The following DNAH9 variants were observed in gnomAD, a reference collection of about 807,000 sequenced individuals.
The protein encoded by DNAH9 is dynein axonemal heavy chain 9, also known as DNAH9 variant protein.
A neutral mutation model predicts 471.6 loss-of-function variants in DNAH9; 345 were observed. That is an observed-to-expected ratio of 0.73 (90% confidence interval 0.67 to 0.80). DNAH9 has a LOEUF of 0.80. Ranked by LOEUF, DNAH9 falls within the 30% of genes least tolerant of loss-of-function variation. The pLI is 0.00. For synonymous variants in DNAH9, 2,093 were observed against 2,123.6 expected, an observed-to-expected ratio of 0.99 and a Z score of 0.40; for missense variants, 5,407 against 5,609.2, an observed-to-expected ratio of 0.96 and a Z score of 1.15.
chr17:11,661,166 A>G (rs9899022), intron 14 of DNAH9, among the ~76,000 whole-genome samples: 3,048 of 152,174 alleles, frequency 0.02, 79 homozygotes, highest in South Asian at 0.1. Flanking sequence ...TATCATTATG[A>G]AATTCCCTTT....
At chr17:11,792,940 C>T (rs1176964050) in intron 41 of DNAH9, among the ~76,000 whole-genome samples, 1 of 152,120 alleles carries the variant, frequency 6.6e-6, no homozygotes, top group Admixed American at 6.5e-5. Flanking sequence ...TTCATGGGAT[C>T]ATCATGAGTA....
intron 19 of DNAH9, among the ~76,000 whole-genome samples, chr17:11,682,282 G>T (rs2074146585): frequency 6.6e-6 from 1 of 150,744 alleles, no homozygotes; most frequent in Admixed American, 6.6e-5. Flanking sequence ...GTAGCGTCTT[G>T]CTCTGTCACC....
intron 1 of DNAH9, among the ~76,000 whole-genome samples, chr17:11,601,150 T>A (rs1033920693): frequency 2.0e-5 from 3 of 152,246 alleles, no homozygotes; most frequent in Non-Finnish European, 4.4e-5. Flanking sequence ...TTTCTTTTTT[T>A]AACAATATTC....
intron 67 of DNAH9, 90 bp from the exon 68 acceptor site, chr17:11,961,777 G>C: frequency 7.0e-7 from 1 of 1,433,434 alleles, no homozygotes; most frequent in Non-Finnish European, 9.4e-7. Context: ...TTGTCTGCCT[G>C]GGTGCCATGA....
intron 61 of DNAH9, among the ~76,000 whole-genome samples, chr17:11,915,011 A>G (rs1411976480): frequency 2.6e-5 from 4 of 152,160 alleles, no homozygotes; most frequent in East Asian, 1.9e-4. Context: ...ATTTAGTTCT[A>G]TTGATTCCAC....
rs562966086 is a variant in DNAH9, at chr17:11,835,986, G to C, written c.9507+1088G>C. Among the ~76,000 whole-genome samples the C allele has an allele frequency of 3.9e-5, 6 of 152,282 alleles. No homozygotes were observed. In the South Asian group the frequency reaches 1.2e-3, roughly 32 times the overall value. On this transcript the variant is annotated intron_variant, in intron 49 of 68. Transcript: ENST00000262442. Reference sequence around the variant, plus strand: ...CTCTAGATTTCTGGGATGTAAGTTAGACCCCAGTCCACCGTGCCAGTCAAA... The same window carrying C: ...CTCTAGATTTCTGGGATGTAAGTTACACCCCAGTCCACCGTGCCAGTCAAA...
chr17:11,715,162 T>C (rs2074937494), intron 26 of DNAH9, among the ~76,000 whole-genome samples: 2 of 152,220 alleles, frequency 1.3e-5, no homozygotes, highest in African/African-American at 4.8e-5. Flanking sequence ...GAAATCAAGA[T>C]ATAGCAGCTT....
At position 11,881,131 on chromosome 17, in the gene DNAH9, G is replaced by A. The variant is rs1019881381; in HGVS notation, c.10602-78G>A. The A allele has an allele frequency of 8.0e-6, 11 of 1,371,612 alleles. No homozygotes were observed. In the African/African-American group the frequency reaches 1.6e-4, roughly 20 times the overall value. The allele number at this position is 1,371,612 out of a possible 1,614,324, so 85.0% of individuals were successfully genotyped here. On this transcript the variant is annotated intron_variant, in intron 54 of 68. Transcript: ENST00000262442. ...CCATCTGAATATAGCAATATTGTTT[G>A]AAAAAAATCTCAAATTCTGACCCCA...
intron 26 of DNAH9, among the ~76,000 whole-genome samples, chr17:11,717,730 A>G (rs2074989359): frequency 1.3e-5 from 2 of 152,140 alleles, no homozygotes. Context: ...GAGTTGTGTA[A>G]CCATCACTAT....
Position 11,932,184 on chromosome 17 carries a change from C to T in DNAH9, c.12276C>T (p.Asn4092=), listed in dbSNP as rs906539317. ...CTATCTCTGTGAATGTCCTCTACAA[C>T]TTCCTGGAGGCCAACGCAAAGGTAA... The part of the protein sequence containing the change: ...DLTISVNVLY[N]FLEANAKVPY... The change falls in exon 64 of 69, where the codon AAC becomes AAT. Residue 4092 remains asparagine, a synonymous_variant. Transcript: ENST00000262442. This position sits in a 1 kb window ranked among gnomAD's most constrained non-coding sequence, Gnocchi z 4.3. 1.2e-6 allele frequency: 2 copies of T among 1,614,048 alleles called. No individual in the cohort carries two copies. The highest frequency in any genetic ancestry group is 1.7e-6 in the Non-Finnish European group (2 of 1,179,996).
At chr17:11,966,673 A>G (rs1356122660) in intron 68 of DNAH9, among the ~76,000 whole-genome samples, 1 of 152,246 alleles carries the variant, frequency 6.6e-6, no homozygotes, top group Non-Finnish European at 1.5e-5. Flanking sequence ...ATGGATAGAA[A>G]TGTATAAAGA....
chr17:11,932,008 T>C lies in DNAH9; in HGVS notation c.12106-6T>C, dbSNP rs375711583. On this transcript the variant is annotated splice_region_variant and splice_polypyrimidine_tract_variant and intron_variant, in intron 63 of 68. Transcript: ENST00000262442. This position sits in a 1 kb window ranked among gnomAD's most constrained non-coding sequence, Gnocchi z 4.3. ...GCGAACCTTAAAAGCGACACTCTCATTTCAGGACACTCTGGAGATGTGTTC... is the reference window on the plus strand; with the variant it reads ...GCGAACCTTAAAAGCGACACTCTCACTTCAGGACACTCTGGAGATGTGTTC... 2 of 1,613,846 alleles carry C rather than the reference T, an allele frequency of 1.2e-6. No individual in the cohort carries two copies.
chr17:11,719,310 C>T (rs760435629), intron 26 of DNAH9, 24 bp from the exon 27 acceptor site: 6 of 1,611,420 alleles, frequency 3.7e-6, no homozygotes, highest in South Asian at 1.1e-5. Context: ...AGAATGATGA[C>T]CTATGCCCTC....
Position 11,701,208 on chromosome 17 carries a change from A to C in DNAH9, c.5112A>C (p.Glu1704Asp). ...EMTEGVTAYE[E>D]KPREQWLFDH... is the part of the protein sequence containing the mutation. ...CAGAAGGTGTAACTGCCTATGAAGA[A>C]AAGCCGAGGGAGCAGTGGCTTTTTG... is the stretch of plus-strand genomic sequence containing the variant. The change falls in exon 24 of 69, where the codon GAA becomes GAC. Residue 1704 changes from glutamate (E) to aspartate (D), a missense_variant. Physicochemically the swap from Glu to Asp is conservative, Grantham distance 45 (BLOSUM62 2). Transcript: ENST00000262442. The C allele has an allele frequency of 6.2e-7, 1 of 1,614,056 alleles. No homozygotes were observed.
Position 11,704,434 on chromosome 17 carries a change from G to T in DNAH9, c.5383G>T (p.Ala1795Ser), listed in dbSNP as rs201657301. 120 of 1,612,822 alleles carry T rather than the reference G, an allele frequency of 7.4e-5. No homozygotes were observed. Among genetic ancestry groups the T allele is most frequent in the Non-Finnish European group, 9.8e-5 (116 of 1,179,946 alleles). ...CCGGGATGTGGTAGCCAAGATGATTGCTCAGAAGGTGGGTCCCAAACATCC... is the reference window on the plus strand; with the variant it reads ...CCGGGATGTGGTAGCCAAGATGATTTCTCAGAAGGTGGGTCCCAAACATCC... ...HARDVVAKMI[A>S]QKVDNAQAFL... The change falls in exon 25 of 69, where the codon GCT becomes TCT. Residue 1795 changes from alanine to serine, a missense_variant. By Grantham distance (99) the Ala-to-Ser change is moderately conservative. Around this residue, in one of 3 missense-constraint regions of DNAH9, gnomAD observed 4,636 missense variants for 4,900.3 expected, o/e 0.95. Transcript: ENST00000262442.
At chr17:11,830,504 A>G (rs911255385) in intron 48 of DNAH9, among the ~76,000 whole-genome samples, 5 of 152,192 alleles carry the variant, frequency 3.3e-5, no homozygotes, top group African/African-American at 1.2e-4. Context: ...ATAATTCATG[A>G]TGATGTACTA....
intron 8 of DNAH9, among the ~76,000 whole-genome samples, chr17:11,635,355 T>TA (rs1213618550): frequency 1.4e-5 from 1 of 70,804 alleles, no homozygotes. Context: ...TTTTTTTTTT[T>TA]TTTTTTAGTA....
chr17:11,879,670 A>C (rs960550501), intron 53 of DNAH9, among the ~76,000 whole-genome samples: 2 of 152,162 alleles, frequency 1.3e-5, no homozygotes, highest in African/African-American at 2.4e-5. Context: ...CAGTCATTTA[A>C]AATTACATGG....
chr17:11,860,910 G>C (rs2150976855), intron 50 of DNAH9, among the ~76,000 whole-genome samples: 1 of 152,212 alleles, frequency 6.6e-6, no homozygotes, highest in Middle Eastern at 3.4e-3. Context: ...CTCGTGGACA[G>C]TCAATGTCTT....
Sources: gnomAD v4.1 joint callset for allele counts (sites outside exome capture counted in the v4.1 genomes callset) on GRCh38, gnomAD v4.1.1 for gene constraint, gnomAD v4.1.1 regional missense constraint, Gnocchi (gnomAD v3.1) non-coding constraint, MANE v1.5 for transcripts, NCBI Gene and HGNC (gene_info 2026-07-23, HGNC 2026-07-21) for gene names.